EMC8: variants seen among roughly 807,000 people sequenced by gnomAD.
EMC8 encodes ER membrane protein complex subunit 8.
In EMC8, 11 loss-of-function variants were observed where a neutral mutation model predicts 24.3. The observed-to-expected ratio is 0.45, with a 90% CI of 0.28 to 0.75. EMC8 has a LOEUF of 0.75. EMC8 is among the 30% of genes least tolerant of loss of function. The pLI is 0.12. For missense variants in EMC8, 277 were observed against 282.7 expected, an observed-to-expected ratio of 0.98 and a Z score of 0.14; for synonymous variants, 145 against 117.7, an observed-to-expected ratio of 1.23 and a Z score of -1.50.
intron 1 of EMC8, among the ~76,000 whole-genome samples, chr16:85,796,929 A>G (rs1597210307): frequency 6.6e-6 from 1 of 152,350 alleles, no homozygotes; most frequent in East Asian, 1.9e-4. Flanking sequence ...TTCAAGTGCT[A>G]AGCAGGTACT....
chr16:85,787,030 G>A (rs937691979), intron 2 of EMC8, among the ~76,000 whole-genome samples: 1 of 152,096 alleles, frequency 6.6e-6, no homozygotes, highest in Non-Finnish European at 1.5e-5. Context: ...AGCCACGGCA[G>A]ACACTGCTTG....
intron 2 of EMC8, among the ~76,000 whole-genome samples, chr16:85,786,836 G>C (rs1904776587): frequency 6.6e-6 from 1 of 152,186 alleles, no homozygotes; most frequent in Admixed American, 6.5e-5. Flanking sequence ...AAGAACATGA[G>C]AGCTGTGAGC....
chr16:85,798,956 A>T, intron 1 of EMC8, 109 bp downstream of exon 1: 1 of 720,644 alleles, frequency 1.4e-6, no homozygotes, highest in Non-Finnish European at 2.3e-6. Context: ...AACCCTAGGG[A>T]GCGGGTCCTA....
chr16:85,781,339 G>T, intron 2 of EMC8, 59 bp from the exon 3 acceptor site: 1 of 1,122,376 alleles, frequency 8.9e-7, no homozygotes, highest in Non-Finnish European at 1.4e-6. Flanking sequence ...GTTTACAAAA[G>T]GCACAGTCAA....
At chr16:85,794,571 A>G (rs969601838) in intron 1 of EMC8, among the ~76,000 whole-genome samples, 1 of 152,148 alleles carries the variant, frequency 6.6e-6, no homozygotes, top group Non-Finnish European at 1.5e-5. Flanking sequence ...CGCTGGTAGT[A>G]CCAGCTACTT....
chr16:85,786,777 C>T (rs1904773784), intron 2 of EMC8, among the ~76,000 whole-genome samples: 1 of 152,136 alleles, frequency 6.6e-6, no homozygotes, highest in African/African-American at 2.4e-5. Context: ...AAAACTGTGT[C>T]CGAGTAGGAT....
At chr16:85,792,401 C>G (rs1010113271) in intron 1 of EMC8, 2 of 152,186 alleles carry the variant, frequency 1.3e-5, no homozygotes, top group Non-Finnish European at 2.9e-5. Flanking sequence ...TTGAATGACA[C>G]ACATGAGAAT....
At chr16:85,798,449 C>A (rs1356346674) in intron 1 of EMC8, among the ~76,000 whole-genome samples, 1 of 152,066 alleles carries the variant, frequency 6.6e-6, no homozygotes, top group African/African-American at 2.4e-5. Context: ...CTTTTAAAAG[C>A]CATGGAAACA....
intron 3 of EMC8, 39 bp from the exon 4 acceptor site, chr16:85,780,512 C>T (rs754896775): frequency 1.3e-6 from 2 of 1,513,182 alleles, no homozygotes; most frequent in Non-Finnish European, 1.8e-6. Context: ...GAACAGAATG[C>T]CAGCCAAACA....
intron 2 of EMC8, among the ~76,000 whole-genome samples, chr16:85,783,441 G>C (rs533620045): frequency 1.3e-5 from 2 of 152,172 alleles, no homozygotes; most frequent in African/African-American, 4.8e-5. Context: ...CCACAGGCAC[G>C]TGCTACGAAG....
chr16:85,782,064 C>T (rs1250390419), intron 2 of EMC8, among the ~76,000 whole-genome samples: 2 of 152,198 alleles, frequency 1.3e-5, no homozygotes, highest in African/African-American at 2.4e-5. Flanking sequence ...CATCTCCTAA[C>T]GGAAGGCTCC....
At position 85,789,035 on chromosome 16, in the gene EMC8, T is replaced by G. The variant is rs754733342; in HGVS notation, c.247A>C (p.Lys83Gln). Residue 83 changes from lysine to glutamine, a missense_variant, in exon 2 of 5, where the codon AAA becomes CAA. Lys to Gln is a moderately conservative substitution (Grantham distance 53). Transcript: ENST00000253457. ...CCAGCAATCACGTAGCTATGATCTT[T>G]GCACCATGAATCAATCTGAAAGAGG... ...VALTLIDSWCKDHSYVIAGYY... is the reference protein window; with the variant it reads ...VALTLIDSWCQDHSYVIAGYY... 2.5e-6 allele frequency: 4 copies of G among 1,613,534 alleles called. No individual in the cohort carries two copies. The South Asian group carries it at 4.4e-5, about 18-fold the overall frequency.
chr16:85,788,953 G>A, intron 2 of EMC8, 21 bp downstream of exon 2: 2 of 1,583,262 alleles, frequency 1.3e-6, no homozygotes, highest in Non-Finnish European at 1.7e-6. Flanking sequence ...CTCGCCCACA[G>A]AGGGTTCTGC....
intron 2 of EMC8, among the ~76,000 whole-genome samples, chr16:85,786,884 T>A (rs1164040597): frequency 1.3e-5 from 2 of 152,110 alleles, no homozygotes; most frequent in African/African-American, 2.4e-5. Flanking sequence ...TAGGAGAGCC[T>A]GCGCAGGTCC....
rs750074062 is a variant in EMC8, at chr16:85,781,244, G to A, written c.345C>T (p.Ile115=). 28 of 1,613,430 alleles carry A rather than the reference G, an allele frequency of 1.7e-5. No individual in the cohort carries two copies. The highest frequency in any genetic ancestry group is 2.2e-5 in the East Asian group (1 of 44,864). Residue 115 remains isoleucine (I), a synonymous_variant, in exon 3 of 5, where the codon ATC becomes ATT. Transcript: ENST00000253457. ...GCGCAGTGTCGCTGAAGCCCTCGGC[G>A]ATTCTGGAGGCCACCTTCTCTGCAA... ...NQVAEKVASR[I]AEGFSDTALI... is the part of the protein sequence containing the mutation.
chr16:85,780,414 G>A lies in EMC8; in HGVS notation c.438C>T (p.His146=). 6.2e-7 allele frequency: 1 copy of A among 1,614,228 alleles called. No individual in the cohort carries two copies. The highest frequency in any genetic ancestry group is 8.5e-7 in the Non-Finnish European group (1 of 1,180,022). The change falls in exon 4 of 5, where the codon CAC becomes CAT. Residue 146 remains histidine (H), a synonymous_variant. Transcript: ENST00000253457. ...CTCTGCACCGCCATCTGTTCTCATG[G>A]TGCTCGTACACGTGGATCGTAGGCG... is the stretch of plus-strand genomic sequence containing the variant. ...CVAPTIHVYE[H]HENRWRCRDP... is the part of the protein sequence containing the mutation.
At chr16:85,791,971 A>C (rs1905031780) in intron 1 of EMC8, among the ~76,000 whole-genome samples, 1 of 152,120 alleles carries the variant, frequency 6.6e-6, no homozygotes. Flanking sequence ...TACTCAGCTG[A>C]CCATACCATA....
chr16:85,798,836 G>T (rs1487531649), intron 1 of EMC8: 3 of 483,350 alleles, frequency 6.2e-6, no homozygotes, highest in Non-Finnish European at 1.1e-5. Flanking sequence ...TCGCCTTAAA[G>T]TGCCTCTAAA....
At chr16:85,790,767 G>A (rs1904970384) in intron 1 of EMC8, among the ~76,000 whole-genome samples, 1 of 152,126 alleles carries the variant, frequency 6.6e-6, no homozygotes, top group Admixed American at 6.5e-5. Context: ...TTCACAGTCA[G>A]ATTGGCCACT....
Sources: gnomAD v4.1 joint callset for allele counts (sites outside exome capture counted in the v4.1 genomes callset) on GRCh38, gnomAD v4.1.1 for gene constraint, MANE v1.5 for transcripts, NCBI Gene and HGNC (gene_info 2026-07-23, HGNC 2026-07-21) for gene names.